Variants in RPH3A observed in about 807,000 individuals in gnomAD.
RPH3A encodes rabphilin 3A.
Under a neutral mutation model 102.2 loss-of-function variants are expected in RPH3A, and 48 were observed. The ratio of observed to expected loss-of-function variants is 0.47; its 90% CI spans 0.37 to 0.60. The LOEUF is 0.60. Among genes scored for constraint, RPH3A ranks in the 20% least tolerant of loss-of-function variants. The pLI, the probability that RPH3A is intolerant of heterozygous loss-of-function variation, is 0.00. For missense variants in RPH3A, 781 were observed against 910.1 expected, an observed-to-expected ratio of 0.86 and a Z score of 1.83; for synonymous variants, 310 against 324.3, an observed-to-expected ratio of 0.96 and a Z score of 0.47.
At chr12:112,882,004 T>C (rs1310875574) in intron 15 of RPH3A, among the ~76,000 whole-genome samples, 158 bp downstream of exon 15, 1 of 152,216 alleles carries the variant, frequency 6.6e-6, no homozygotes, top group African/African-American at 2.4e-5. Flanking sequence ...AAGTAAAGTA[T>C]GTTCCAGGGG....
chr12:112,889,750 G>A lies in RPH3A; in HGVS notation c.1564-274G>A, dbSNP rs538619876. Among the ~76,000 whole-genome samples the A allele has an allele frequency of 3.9e-5, 6 of 152,338 alleles. No individual in the cohort carries two copies. In the East Asian group the frequency reaches 1.2e-3, roughly 29 times the overall value. On this transcript the variant is annotated intron_variant, in intron 17 of 21. Transcript: ENST00000389385. ...TTGGCTGTGTGACCTTGGGTAAGGG[G>A]CTTAACTACTCGGACCCTCAGCATC...
At chr12:112,682,351 C>CTTTTT (rs1314037530) in intron 1 of RPH3A, among the ~76,000 whole-genome samples, 5 of 77,674 alleles carry the variant, frequency 6.4e-5, no homozygotes, top group Admixed American at 1.3e-4. Context: ...TTTTTTCTTT[C>CTTTTT]TTTCTTTTTT....
At chr12:112,734,726 TC>T (rs1237628027) in intron 1 of RPH3A, among the ~76,000 whole-genome samples, 1 of 152,200 alleles carries the variant, frequency 6.6e-6, no homozygotes, top group African/African-American at 2.4e-5. Context: ...AGGGTTCCTC[TC>T]CTTTTTAGAC....
At chr12:112,722,265 A>G (rs905355731) in intron 1 of RPH3A, among the ~76,000 whole-genome samples, 1 of 152,254 alleles carries the variant, frequency 6.6e-6, no homozygotes, top group African/African-American at 2.4e-5. Context: ...GAAAGAATGC[A>G]TAGCTCTTCA....
At chr12:112,737,146 C>G (rs565148622) in intron 1 of RPH3A, among the ~76,000 whole-genome samples, 4 of 137,274 alleles carry the variant, frequency 2.9e-5, no homozygotes, top group African/African-American at 8.3e-5. Context: ...CAGAATGAGA[C>G]CCTGTCTCAA....
chr12:112,656,870 A>G (rs888049718), intron 1 of RPH3A, among the ~76,000 whole-genome samples: 10 of 151,958 alleles, frequency 6.6e-5, no homozygotes, highest in Non-Finnish European at 1.3e-4. Context: ...ACTTAGGTTG[A>G]TTCCATGACT....
At chr12:112,861,886 G>A (rs368225923) in intron 5 of RPH3A, among the ~76,000 whole-genome samples, 3 of 151,862 alleles carry the variant, frequency 2.0e-5, no homozygotes, top group Non-Finnish European at 2.9e-5. Context: ...GATGGTGGGC[G>A]CCTGTAGTCC....
intron 1 of RPH3A, among the ~76,000 whole-genome samples, chr12:112,726,106 G>C (rs1049356152): frequency 1.1e-4 from 17 of 150,494 alleles, no homozygotes; most frequent in African/African-American, 3.9e-4. Flanking sequence ...TTTTTTTCGG[G>C]GGGGTGGGGG....
intron 4 of RPH3A, among the ~76,000 whole-genome samples, chr12:112,842,927 A>G (rs2042169527): frequency 6.6e-6 from 1 of 152,234 alleles, no homozygotes; most frequent in African/African-American, 2.4e-5. Context: ...GGCCCAGCAC[A>G]TACTGCCAAG....
rs2041112590 is a variant in RPH3A at position 112,791,867 on chromosome 12, G to GGAGGGAGAGAGAGAGAGAGAGAGAGAGA, written c.-282_-281insGGAGAGAGAGAGAGAGAGAGAGAGAGAG. On this transcript the variant is annotated 5_prime_UTR_variant, in exon 1 of 22. Transcript: ENST00000389385. ...CGCGGACTGGAAAGGAAGGGAGAAG[G>GGAGGGAGAGAGAGAGAGAGAGAGAGAGA]GAGAGAGAGAGAGAGAGAGAGAGAG... is the stretch of plus-strand genomic sequence containing the variant. 1 of 48,484 alleles carries GGAGGGAGAGAGAGAGAGAGAGAGAGAGA rather than the reference G, an allele frequency of 2.1e-5. No homozygotes were observed. Among genetic ancestry groups the GGAGGGAGAGAGAGAGAGAGAGAGAGAGA allele is most frequent in the African/African-American group, 9.6e-5 (1 of 10,408 alleles). The allele number at this position is 48,484 out of a possible 1,614,324, so 3.0% of individuals were successfully genotyped here.
chr12:112,734,164 A>T (rs2040652856), intron 1 of RPH3A, among the ~76,000 whole-genome samples: 1 of 152,206 alleles, frequency 6.6e-6, no homozygotes, highest in Admixed American at 6.5e-5. Flanking sequence ...ATAAGATTGT[A>T]CTACCATATT....
chr12:112,583,569 T>C (rs1375281970), intron 1 of RPH3A, among the ~76,000 whole-genome samples: 1 of 152,232 alleles, frequency 6.6e-6, no homozygotes, highest in Non-Finnish European at 1.5e-5. Flanking sequence ...CCCTAATGTC[T>C]AGCGGCAGCT....
intron 5 of RPH3A, among the ~76,000 whole-genome samples, chr12:112,848,715 G>A (rs927415322): frequency 2.6e-5 from 4 of 152,156 alleles, no homozygotes; most frequent in African/African-American, 9.7e-5. Flanking sequence ...AGGCTTATAA[G>A]AAGGATGTGT....
chr12:112,853,600 G>A lies in RPH3A; in HGVS notation c.230+5758G>A, dbSNP rs548529690. On this transcript the variant is annotated intron_variant, in intron 5 of 21. Coordinates refer to ENST00000389385, the MANE Select transcript of RPH3A (RefSeq NM_001143854.2). ...TCCCAGCACTTTGGGAGGCCGAGGC[G>A]GGTGGATCACTTGAGGCAAGGAGTT... Among the ~76,000 whole-genome samples, 425 of 152,262 alleles carry A rather than the reference G, an allele frequency of 2.8e-3. 3 individuals carry two copies. The highest frequency in any genetic ancestry group is 8.9e-3 in the African/African-American group (371 of 41,556).
At chr12:112,858,295 GAAAAGAAAAGA>G (rs2042446801) in intron 5 of RPH3A, among the ~76,000 whole-genome samples, 2 of 87,312 alleles carry the variant, frequency 2.3e-5, no homozygotes, top group South Asian at 3.9e-4. Context: ...AAAAAAAAAA[GAAAAGAAAAGA>G]AAAAGAAAAA....
At chr12:112,702,184 T>A (rs1592952087) in intron 1 of RPH3A, among the ~76,000 whole-genome samples, 1 of 152,330 alleles carries the variant, frequency 6.6e-6, no homozygotes, top group Non-Finnish European at 1.5e-5. Context: ...TTTATAGACA[T>A]AAACTACATG....
intron 4 of RPH3A, among the ~76,000 whole-genome samples, chr12:112,839,394 T>TA (rs1252370675): frequency 6.6e-6 from 1 of 152,178 alleles, no homozygotes; most frequent in Non-Finnish European, 1.5e-5. Flanking sequence ...TTAGAACAGT[T>TA]ACTTGTTCTC....
chr12:112,805,810 T>C (rs2041449334), intron 2 of RPH3A, among the ~76,000 whole-genome samples: 1 of 152,198 alleles, frequency 6.6e-6, no homozygotes, highest in South Asian at 2.1e-4. Context: ...CAACATATAA[T>C]TATTCGTCTA....
chr12:112,684,452 G>C (rs2040248905), intron 1 of RPH3A, among the ~76,000 whole-genome samples: 1 of 151,508 alleles, frequency 6.6e-6, no homozygotes, highest in African/African-American at 2.4e-5. Context: ...TTTTTTAGTA[G>C]AGACAGGGTT....
Sources: gnomAD v4.1 joint callset for allele counts (sites outside exome capture counted in the v4.1 genomes callset) on GRCh38, gnomAD v4.1.1 for gene constraint, MANE v1.5 for transcripts, NCBI Gene and HGNC (gene_info 2026-07-23, HGNC 2026-07-21) for gene names.